The following USP4 variants were observed in gnomAD, a reference collection of about 807,000 sequenced individuals.
USP4 encodes the protein ubiquitin specific peptidase 4, also known as ubiquitin carboxyl-terminal hydrolase 4.
USP4 carries 72 observed loss-of-function variants against 118.2 expected under a neutral mutation model. That is an observed-to-expected ratio of 0.61 (90% CI 0.50 to 0.74). USP4 has a LOEUF of 0.74. USP4 is among the 30% of genes least tolerant of loss of function. The pLI, the probability that USP4 is intolerant of heterozygous loss-of-function variation, is 0.00. For missense variants in USP4, 1,037 were observed against 1,185.7 expected, an observed-to-expected ratio of 0.87 and a Z score of 1.84; for synonymous variants, 415 against 440.4, an observed-to-expected ratio of 0.94 and a Z score of 0.72.
chr3:49,298,714 AG>A, intron 11 of USP4, 79 bp from the exon 12 acceptor site: 1 of 1,249,944 alleles, frequency 8.0e-7, no homozygotes, highest in Non-Finnish European at 1.2e-6. Context: ...AGGCATCACT[AG>A]GGGCAGAGGA....
At chr3:49,339,690 C>A (rs2047715736) in intron 1 of USP4, among the ~76,000 whole-genome samples, 1 of 152,198 alleles carries the variant, frequency 6.6e-6, no homozygotes, top group Non-Finnish European at 1.5e-5. Flanking sequence ...CTCCTCCTGG[C>A]CCCCGCCGGG....
intron 6 of USP4, among the ~76,000 whole-genome samples, chr3:49,317,820 G>A (rs540876909): frequency 6.6e-6 from 1 of 151,606 alleles, no homozygotes; most frequent in South Asian, 2.1e-4. Flanking sequence ...CCAAAGTGCT[G>A]GGATTACAGG....
chr3:49,311,385 C>T (rs1239051358), intron 7 of USP4, 129 bp downstream of exon 7: 1 of 1,008,058 alleles, frequency 9.9e-7, no homozygotes, highest in African/African-American at 1.6e-5. Flanking sequence ...GAGTGAGAAA[C>T]TACATGTAGC....
intron 13 of USP4, among the ~76,000 whole-genome samples, chr3:49,295,714 G>GCGCGCGCGCGCACACA (rs149459963): frequency 6.7e-6 from 1 of 148,320 alleles, no homozygotes; most frequent in African/African-American, 2.6e-5. Flanking sequence ...GCGCGCGCGC[G>GCGCGCGCGCGCACACA]CACACACACA....
chr3:49,317,538 GTTTGTTTTT>G (rs1344400237), intron 6 of USP4: 29 of 564,370 alleles, frequency 5.1e-5, no homozygotes, highest in African/African-American at 9.4e-5. Flanking sequence ...TTTTTTGTTT[GTTTGTTTTT>G]TTTTTTTTTT....
Position 49,277,621 on chromosome 3 carries a change from CCA to C in USP4, c.*670_*671del. 1 of 162,540 alleles carries C rather than the reference CCA, an allele frequency of 6.2e-6. No individual in the cohort carries two copies. Among genetic ancestry groups the C allele is most frequent in the Admixed American group, 6.0e-5 (1 of 16,732 alleles). The allele number at this position is 162,540 out of a possible 1,614,324, so 10.1% of individuals were successfully genotyped here. The stretch of plus-strand genomic sequence containing the variant: ...AAAAGTGTGTTATCTAATAAAAGTT[CCA>C]CACAGTATTTAACCGTCTTAATTCA... On this transcript the variant is annotated 3_prime_UTR_variant, in exon 22 of 22. Coordinates refer to ENST00000265560, the MANE Select transcript of USP4 (RefSeq NM_003363.4).
chr3:49,296,994 C>T (rs1559468723), intron 13 of USP4, among the ~76,000 whole-genome samples: 1 of 152,192 alleles, frequency 6.6e-6, no homozygotes, highest in African/African-American at 2.4e-5. Flanking sequence ...TTGGGTGTGG[C>T]TAGGAACTAT....
rs139461392 is a variant in USP4, at chr3:49,286,624, C to T, written c.1973-299G>A. ...CCATCCTGTCTACTGGCCATCACAG[C>T]ACATGGTCTCTCACTCTTGCAACTT... On this transcript the variant is annotated intron_variant, in intron 15 of 21. Transcript: ENST00000265560. 1.9e-3 allele frequency among the ~76,000 whole-genome samples: 286 copies of T among 152,244 alleles called. 2 individuals carry two copies. The highest frequency in any genetic ancestry group is 6.5e-3 in the African/African-American group (271 of 41,560).
intron 8 of USP4, among the ~76,000 whole-genome samples, chr3:49,307,406 A>C (rs2047330230): frequency 6.6e-6 from 1 of 151,448 alleles, no homozygotes; most frequent in African/African-American, 2.4e-5. Context: ...AGAGAGCAAG[A>C]CTATGTCTCA....
intron 8 of USP4, among the ~76,000 whole-genome samples, chr3:49,306,370 T>G (rs1417360588): frequency 6.6e-6 from 1 of 151,514 alleles, no homozygotes; most frequent in Non-Finnish European, 1.5e-5. Flanking sequence ...ACCCAGCTAA[T>G]TTTTGTATTT....
intron 6 of USP4, chr3:49,318,425 G>C (rs1206015772): frequency 1.4e-5 from 14 of 985,394 alleles, no homozygotes; most frequent in Non-Finnish European, 4.8e-6. Flanking sequence ...ACCTTAAAGG[G>C]CCTTATAGAC....
rs1173785379 is a variant in USP4 at position 49,325,160 on chromosome 3, CCT to C, written c.488-123_488-122del. 4.6e-5 allele frequency: 57 copies of C among 1,241,816 alleles called. 1 individual carries two copies. Among genetic ancestry groups the C allele is most frequent in the African/African-American group, 2.7e-4 (18 of 66,604 alleles). 76.9% of individuals were successfully genotyped at this position (1,241,816 alleles called of 1,614,324 possible). ...GCTCACAGGTGCTCTGGATCAACCC[CCT>C]GATACCTCTTAAAATCAATCATCTC... On this transcript the variant is annotated intron_variant, in intron 4 of 21. Transcript: ENST00000265560.
chr3:49,301,594 A>G lies in USP4; in HGVS notation c.1287+790T>C, dbSNP rs185540186. ...TGCCAGCTACTTGAGAGGCTGAGAC[A>G]GGAGAATCGCTTGAACCCGGGAGGT... is the stretch of plus-strand genomic sequence containing the variant. On this transcript the variant is annotated intron_variant, in intron 10 of 21. Transcript: ENST00000265560. Among the ~76,000 whole-genome samples, 228 of 152,256 alleles carry G rather than the reference A, an allele frequency of 1.5e-3. No homozygotes were observed. In the Middle Eastern group the frequency reaches 0.02, roughly 14 times the overall value.
chr3:49,308,307 A>G (rs1286963708), intron 8 of USP4, among the ~76,000 whole-genome samples: 1 of 152,024 alleles, frequency 6.6e-6, no homozygotes, highest in Admixed American at 6.6e-5. Context: ...TAATGAGTCA[A>G]TCATATTTAT....
At chr3:49,311,819 A>G in intron 6 of USP4, 165 bp from the exon 7 acceptor site, 1 of 1,331,180 alleles carries the variant, frequency 7.5e-7, no homozygotes, top group Non-Finnish European at 9.7e-7. Flanking sequence ...TATTTAAGTG[A>G]GAGTCCACAA....
intron 18 of USP4, 21 bp from the exon 19 acceptor site, chr3:49,284,157 T>A: frequency 1.9e-6 from 3 of 1,613,992 alleles, no homozygotes; most frequent in Middle Eastern, 1.7e-4. Flanking sequence ...AAACCTCCAC[T>A]TAGCAGGGCA....
intron 8 of USP4, among the ~76,000 whole-genome samples, chr3:49,309,618 GCTTT>G (rs2047359571): frequency 9.4e-6 from 1 of 106,648 alleles, no homozygotes; most frequent in Non-Finnish European, 1.9e-5. Flanking sequence ...GGGCGGGACA[GCTTT>G]TTTTTTTTTT....
chr3:49,324,641 T>G, intron 6 of USP4, 61 bp downstream of exon 6: 5 of 1,486,002 alleles, frequency 3.4e-6, no homozygotes, highest in Non-Finnish European at 4.7e-6. Flanking sequence ...AGTACTGCCT[T>G]AGGAAAGACT....
chr3:49,321,143 A>T (rs1271249683), intron 6 of USP4, among the ~76,000 whole-genome samples: 1 of 148,570 alleles, frequency 6.7e-6, no homozygotes, highest in Non-Finnish European at 1.5e-5. Context: ...GAAAGATGTA[A>T]GCCTCCATCT....
Sources: allele counts gnomAD v4.1 joint callset (sites outside exome capture counted in the v4.1 genomes callset), GRCh38; gene constraint gnomAD v4.1.1; transcripts MANE v1.5; gene names NCBI Gene and HGNC (gene_info 2026-07-23, HGNC 2026-07-21).